Variants in PRKCG observed in about 807,000 individuals in gnomAD.
The protein encoded by PRKCG is protein kinase C gamma, also known as protein kinase C gamma type.
In PRKCG, 28 loss-of-function variants were observed where a neutral mutation model predicts 82.0. The ratio of observed to expected loss-of-function variants is 0.34; its 90% CI spans 0.25 to 0.47. The LOEUF (loss-of-function observed/expected upper bound fraction) is 0.47, where lower values mean the gene tolerates loss of function less well. PRKCG is among the 20% of genes least tolerant of loss of function. The pLI, the probability that PRKCG is intolerant of heterozygous loss-of-function variation, is 1.00. For missense variants in PRKCG, 640 were observed against 952.7 expected (o/e 0.67, Z 4.32); for synonymous variants, 383 against 376.6 (o/e 1.02, Z -0.20).
Position 53,901,160 on chromosome 19 carries a change from T to G in PRKCG, c.1575+411T>G, listed in dbSNP as rs544363737. ...ACTTTAAACTGGGCAGGGCTCTCCCTGGAGTATTCAGTTGGATGGAAGCTT... is the reference window on the plus strand; with the variant it reads ...ACTTTAAACTGGGCAGGGCTCTCCCGGGAGTATTCAGTTGGATGGAAGCTT... On this transcript the variant is annotated intron_variant, in intron 14 of 17. Transcript: ENST00000263431. 6.6e-5 allele frequency among the ~76,000 whole-genome samples: 10 copies of G among 152,336 alleles called. No individual in the cohort carries two copies. In the East Asian group the frequency reaches 1.9e-3, roughly 29 times the overall value.
Position 53,898,081 on chromosome 19 carries a change from C to T in PRKCG, c.1062C>T (p.Leu354=). Residue 354 remains leucine, a synonymous_variant, in exon 10 of 18, where the codon CTC becomes CTT. Transcript: ENST00000263431. ...GRLHISDFSF[L]MVLGKGSFGK... ...TGCACATCTCCGACTTCAGCTTCCT[C>T]ATGGTTCTAGGAAAAGGCAGTTTTG... The T allele has an allele frequency of 1.2e-6, 2 of 1,614,086 alleles. No individual in the cohort carries two copies. The highest frequency in any genetic ancestry group is 1.1e-5 in the South Asian group (1 of 91,080).
intron 17 of PRKCG, 23 bp downstream of exon 17, chr19:53,906,480 A>G: frequency 6.4e-7 from 1 of 1,571,672 alleles, no homozygotes; most frequent in African/African-American, 1.4e-5. Flanking sequence ...CCAGGCAACA[A>G]AAACCTGGTC....
At chr19:53,906,533 G>A (rs760426582) in intron 17 of PRKCG, 76 bp downstream of exon 17, 37 of 1,573,002 alleles carry the variant, frequency 2.4e-5, no homozygotes, top group Non-Finnish European at 3.1e-5. Context: ...ATACCTGTAT[G>A]TGGGGGTGGG....
chr19:53,892,517 A>T lies in PRKCG; in HGVS notation c.695A>T (p.Lys232Met). ...ACCCCACCTTCCTGCAGCAACCTGA[A>T]GCCAGGGGATGTGGAGCGCCGGCTC... ...VWNETFVFNLKPGDVERRLSV... is the reference protein window; with the variant it reads ...VWNETFVFNLMPGDVERRLSV... Residue 232 changes from lysine (K) to methionine (M), a missense_variant, in exon 7 of 18, where the codon AAG (lysine) becomes ATG (methionine). By Grantham distance (95) the Lys-to-Met change is moderately conservative. This residue lies in a region of PRKCG where 261 missense variants were observed against 312.1 expected (regional missense o/e 0.84). Transcript: ENST00000263431. This position sits in a 1 kb window ranked among gnomAD's most constrained non-coding sequence, Gnocchi z 5.9. 1 of 1,612,224 alleles carries T rather than the reference A, an allele frequency of 6.2e-7. No homozygotes were observed. Among genetic ancestry groups the T allele is most frequent in the Non-Finnish European group, 8.5e-7 (1 of 1,179,620 alleles).
intron 8 of PRKCG, 22 bp downstream of exon 8, chr19:53,893,097 C>T (rs2068692015): frequency 1.2e-6 from 2 of 1,602,770 alleles, no homozygotes; most frequent in Non-Finnish European, 1.7e-6. Flanking sequence ...CTGGCTTCCT[C>T]AAGGGAGCCC....
chr19:53,891,630 C>G, intron 5 of PRKCG, 44 bp from the exon 6 acceptor site: 1 of 1,609,560 alleles, frequency 6.2e-7, no homozygotes, highest in East Asian at 2.2e-5. Context: ...GGAGCCCCTT[C>G]CTGGATCTCT....
chr19:53,889,197 G>A lies in PRKCG; in HGVS notation c.286-441G>A, dbSNP rs1249871145. Among the ~76,000 whole-genome samples, 5 of 152,038 alleles carry A rather than the reference G, an allele frequency of 3.3e-5. No individual in the cohort carries two copies. The highest frequency in any genetic ancestry group is 1.9e-4 in the East Asian group (1 of 5,166). On this transcript the variant is annotated intron_variant, in intron 3 of 17. Coordinates refer to ENST00000263431, the MANE Select transcript of PRKCG (RefSeq NM_002739.5). This position sits in a 1 kb window ranked among gnomAD's most constrained non-coding sequence, Gnocchi z 4.4. Reference sequence around the variant, plus strand: ...GGAACTCCTGAGCTCAAGGCAATCCGCCCACCTCGGCCTCCCAAAGTGCTG... The same window carrying A: ...GGAACTCCTGAGCTCAAGGCAATCCACCCACCTCGGCCTCCCAAAGTGCTG...
At chr19:53,896,830 CAGAT>C (rs1568757833) in intron 9 of PRKCG, among the ~76,000 whole-genome samples, 1 of 152,210 alleles carries the variant, frequency 6.6e-6, no homozygotes, top group African/African-American at 2.4e-5. Flanking sequence ...GATAGTCACA[CAGAT>C]AGATGTAAAT....
At chr19:53,896,418 T>TATG (rs1453412780) in intron 9 of PRKCG, among the ~76,000 whole-genome samples, 1 of 133,408 alleles carries the variant, frequency 7.5e-6, no homozygotes, top group Non-Finnish European at 1.6e-5. Flanking sequence ...TTATTATTAT[T>TATG]ATTATGTATT....
chr19:53,902,994 G>A (rs2068776406), intron 14 of PRKCG, 79 bp from the exon 15 acceptor site: 6 of 972,910 alleles, frequency 6.2e-6, no homozygotes, highest in Middle Eastern at 2.1e-4. Context: ...CGTGGGTAGC[G>A]CTCCCAGGGG....
At position 53,900,786 on chromosome 19, in the gene PRKCG, A is replaced by G. The variant is rs754789434; in HGVS notation, c.1575+37A>G. On this transcript the variant is annotated intron_variant, in intron 14 of 17. Coordinates refer to ENST00000263431, the MANE Select transcript of PRKCG (RefSeq NM_002739.5). This position sits in a 1 kb window ranked among gnomAD's most constrained non-coding sequence, Gnocchi z 4.2. ...CCTGCTGCTCTGGTCACGCTTTGAG[A>G]TCCCTTAGAGGGTGTAGCTGATGGT... is the stretch of plus-strand genomic sequence containing the variant. The G allele has an allele frequency of 4.7e-5, 76 of 1,613,632 alleles. No homozygotes were observed. The highest frequency in any genetic ancestry group is 6.0e-5 in the Non-Finnish European group (71 of 1,180,010).
Position 53,884,824 on chromosome 19 carries a change from A to G in PRKCG, c.285+581A>G, listed in dbSNP as rs983271435. 2.6e-5 allele frequency among the ~76,000 whole-genome samples: 4 copies of G among 152,350 alleles called. No individual in the cohort carries two copies. Among genetic ancestry groups the G allele is most frequent in the Non-Finnish European group, 4.4e-5 (3 of 68,032 alleles). ...TGGTGGATACAGACAACAGCTTAGG[A>G]GATGCTGAGAGGAGACCCAGGGAAG... On this transcript the variant is annotated intron_variant, in intron 3 of 17. Coordinates refer to ENST00000263431, the MANE Select transcript of PRKCG (RefSeq NM_002739.5). The surrounding 1 kb of genome is among the most constrained non-coding windows in gnomAD (Gnocchi z 4.6).
chr19:53,890,879 G>A (rs2122991990), intron 5 of PRKCG, among the ~76,000 whole-genome samples: 1 of 151,800 alleles, frequency 6.6e-6, no homozygotes, highest in Non-Finnish European at 1.5e-5. Context: ...AGCCTCCTGA[G>A]TAGCTGGGAC....
rs964428433 is a variant in PRKCG, at chr19:53,900,352, G to C, written c.1373+28G>C. On this transcript the variant is annotated intron_variant, in intron 12 of 17. Coordinates refer to ENST00000263431, the MANE Select transcript of PRKCG (RefSeq NM_002739.5). The surrounding 1 kb of genome is among the most constrained non-coding windows in gnomAD (Gnocchi z 4.2). ...GAGTCTCGGCCAACAGAGAATGGTC[G>C]GGGTGGTGGAAGGGGGCAGGATCCA... 28 of 1,613,778 alleles carry C rather than the reference G, an allele frequency of 1.7e-5. No homozygotes were observed. Among genetic ancestry groups the C allele is most frequent in the Admixed American group, 5.0e-5 (3 of 59,992 alleles).
rs113382850 is a variant in PRKCG, at chr19:53,896,376, GATTATTATTATTATTATTATTATTATT to G, written c.940-1562_940-1536del. On this transcript the variant is annotated intron_variant, in intron 9 of 17. Coordinates refer to ENST00000263431, the MANE Select transcript of PRKCG (RefSeq NM_002739.5). ...CAACACAGCAAACAGAAACAGCCCT[GATTATTATTATTATTATTATTATTATT>G]ATTATTATTATTATTATTATGTATT... Among the ~76,000 whole-genome samples the G allele has an allele frequency of 4.9e-5, 7 of 141,940 alleles. No individual in the cohort carries two copies. The Admixed American group carries it at 5.0e-4, about 10-fold the overall frequency. The allele number at this position is 141,940 out of a possible 152,430, so 93.1% of individuals were successfully genotyped here.
At chr19:53,898,297 G>A (rs2068732233) in intron 10 of PRKCG, 143 bp from the exon 11 acceptor site, 5 of 1,330,218 alleles carry the variant, frequency 3.8e-6, no homozygotes, top group South Asian at 1.2e-5. Context: ...TTGAGGGGAC[G>A]GGCGGCAAGT....
intron 3 of PRKCG, among the ~76,000 whole-genome samples, chr19:53,886,102 G>A (rs1004703009): frequency 2.0e-5 from 3 of 148,954 alleles, no homozygotes; most frequent in South Asian, 4.2e-4. Flanking sequence ...TTGTTGTTTT[G>A]TTTGATTTTG....
In PRKCG at chr19:53,907,384, G is replaced by A. The variant is rs374424214; in HGVS notation, c.*489G>A. 40 of 202,088 alleles carry A rather than the reference G, an allele frequency of 2.0e-4. 1 individual carries two copies. In the South Asian group the frequency reaches 3.1e-3, roughly 16 times the overall value. The allele number at this position is 202,088 out of a possible 1,614,324, so 12.5% of individuals were successfully genotyped here. ...GTGCCCCCCTCCTCCAGTACGTCCCGCTGCTGTGCTCTGGGGATTTCTGGG... is the reference window on the plus strand; with the variant it reads ...GTGCCCCCCTCCTCCAGTACGTCCCACTGCTGTGCTCTGGGGATTTCTGGG... On this transcript the variant is annotated 3_prime_UTR_variant, in exon 18 of 18. Transcript: ENST00000263431.
chr19:53,886,111 T>G (rs1228021569), intron 3 of PRKCG, among the ~76,000 whole-genome samples: 3 of 151,268 alleles, frequency 2.0e-5, no homozygotes, highest in Non-Finnish European at 2.9e-5. Context: ...TGTTTGATTT[T>G]GGGGTATTTT....
Sources: gnomAD v4.1 joint callset for allele counts (sites outside exome capture counted in the v4.1 genomes callset) on GRCh38, gnomAD v4.1.1 for gene constraint, gnomAD v4.1.1 regional missense constraint, Gnocchi (gnomAD v3.1) non-coding constraint, MANE v1.5 for transcripts, NCBI Gene and HGNC (gene_info 2026-07-23, HGNC 2026-07-21) for gene names.